ZNF292: variants seen among roughly 807,000 people sequenced by gnomAD.
ZNF292 encodes zinc finger protein 292, also known as 16 zinc-finger domain protein.
ZNF292 carries 26 observed loss-of-function variants against 217.9 expected under a neutral mutation model. That is an observed-to-expected ratio of 0.12 (90% confidence interval 0.09 to 0.17). The LOEUF (loss-of-function observed/expected upper bound fraction) is 0.17, where lower values mean the gene tolerates loss of function less well. Ranked by LOEUF, ZNF292 falls within the 10% of genes least tolerant of loss-of-function variation. The pLI, the probability that ZNF292 is intolerant of heterozygous loss-of-function variation, is 1.00. For missense variants in ZNF292, 2,904 were observed against 3,175.2 expected (o/e 0.91, Z 2.05); for synonymous variants, 1,257 against 1,124.1 (o/e 1.12, Z -2.37).
chr6:87,242,460 T>A (rs1360212243), intron 5 of ZNF292, among the ~76,000 whole-genome samples: 2 of 152,226 alleles, frequency 1.3e-5, no homozygotes, highest in Non-Finnish European at 2.9e-5. Context: ...ATTCTCCATT[T>A]ACATGCTTGT....
chr6:87,184,509 A>G (rs1582392800), intron 1 of ZNF292, among the ~76,000 whole-genome samples: 1 of 138,740 alleles, frequency 7.2e-6, no homozygotes, highest in East Asian at 2.0e-4. Context: ...AGTTCCGTAG[A>G]TGTCTTCCAT....
At chr6:87,236,686 T>C (rs184891710) in intron 5 of ZNF292, among the ~76,000 whole-genome samples, 55 of 152,314 alleles carry the variant, frequency 3.6e-4, no homozygotes, top group Admixed American at 2.5e-3. Flanking sequence ...TTATTAAGAT[T>C]AAAATTTGAT....
intron 7 of ZNF292, among the ~76,000 whole-genome samples, chr6:87,252,341 C>G (rs1236253398): frequency 6.6e-6 from 1 of 151,936 alleles, no homozygotes; most frequent in Admixed American, 6.6e-5. Context: ...TTGGTAGAGA[C>G]TGGGTTTCAT....
chr6:87,165,348 C>T (rs757120713), intron 1 of ZNF292, among the ~76,000 whole-genome samples: 2 of 151,730 alleles, frequency 1.3e-5, no homozygotes, highest in African/African-American at 2.4e-5. Flanking sequence ...AAGTTATTAA[C>T]CTCAGCTTAT....
chr6:87,233,781 T>C (rs1026569108), intron 5 of ZNF292: 2 of 462,960 alleles, frequency 4.3e-6, no homozygotes, highest in African/African-American at 4.2e-5. Context: ...GGAAAGATAG[T>C]GGTGGCTTAA....
At chr6:87,158,547 G>T (rs955107193) in intron 1 of ZNF292, among the ~76,000 whole-genome samples, 1 of 152,128 alleles carries the variant, frequency 6.6e-6, no homozygotes, top group Non-Finnish European at 1.5e-5. Flanking sequence ...TGTGGCGAGT[G>T]CCTGTAGTCC....
At chr6:87,223,070 TTTTG>T (rs899936017) in intron 4 of ZNF292, 129 of 192,606 alleles carry the variant, frequency 6.7e-4, no homozygotes, top group South Asian at 1.2e-3. Flanking sequence ...TTTTGAGGTT[TTTTG>T]TTTGTTTGTT....
At chr6:87,160,513 G>GTGTATATA (rs377563820) in intron 1 of ZNF292, among the ~76,000 whole-genome samples, 1 of 148,568 alleles carries the variant, frequency 6.7e-6, no homozygotes, top group Non-Finnish European at 1.5e-5. Flanking sequence ...GTGTGTGTGT[G>GTGTATATA]TATATATATG....
intron 1 of ZNF292, among the ~76,000 whole-genome samples, chr6:87,185,002 T>C (rs1021896472): frequency 6.6e-6 from 1 of 152,216 alleles, no homozygotes; most frequent in African/African-American, 2.4e-5. Flanking sequence ...CCACTCAGAC[T>C]CACACACTAA....
Position 87,256,141 on chromosome 6 carries a change from G to C in ZNF292, c.2512G>C (p.Val838Leu). ...LDDHSTPPEK[V>L]LPPEAQLNSS... is the part of the protein sequence containing the mutation. The stretch of plus-strand genomic sequence containing the variant: ...TGATCACAGTACTCCTCCTGAAAAA[G>C]TGCTGCCTCCTGAAGCCCAACTTAA... The change falls in exon 8 of 8, where the codon GTG becomes CTG. Residue 838 changes from valine to leucine, a missense_variant. Coordinates refer to ENST00000369577, the MANE Select transcript of ZNF292 (RefSeq NM_015021.3). 2.5e-6 allele frequency: 4 copies of C among 1,613,760 alleles called. No individual in the cohort carries two copies. The East Asian group carries it at 6.7e-5, about 27-fold the overall frequency.
intron 1 of ZNF292, among the ~76,000 whole-genome samples, chr6:87,199,400 A>G (rs1582409774): frequency 1.3e-5 from 2 of 152,244 alleles, no homozygotes; most frequent in Admixed American, 1.3e-4. Flanking sequence ...CCTTTGTTAG[A>G]TGTATCATTT....
intron 1 of ZNF292, among the ~76,000 whole-genome samples, chr6:87,163,197 A>G (rs183433753): frequency 2.9e-4 from 44 of 152,332 alleles, no homozygotes; most frequent in Non-Finnish European, 2.1e-4. Context: ...CACGCCTGTA[A>G]TCCTAGCACT....
rs546647698 is a variant in ZNF292, at chr6:87,260,994, A to G, written c.7365A>G (p.Val2455=). The change falls in exon 8 of 8, where the codon GTA becomes GTG. Residue 2455 remains valine, a synonymous_variant. Coordinates refer to ENST00000369577, the MANE Select transcript of ZNF292 (RefSeq NM_015021.3). ...ATGTGAAAGATTCTGACACGTGTGT[A>G]TCAGAGAGCAATGATAATTCAAGAA... The part of the protein sequence containing the change: ...KNDVKDSDTC[V]SESNDNSRTT... 7 of 1,606,502 alleles carry G rather than the reference A, an allele frequency of 4.4e-6. No individual in the cohort carries two copies. The South Asian group carries it at 6.7e-5, about 15-fold the overall frequency.
At chr6:87,193,674 G>A (rs1322423310) in intron 1 of ZNF292, among the ~76,000 whole-genome samples, 2 of 152,152 alleles carry the variant, frequency 1.3e-5, no homozygotes, top group African/African-American at 2.4e-5. Context: ...CACGCCCTCC[G>A]AGGGTAATAA....
intron 1 of ZNF292, among the ~76,000 whole-genome samples, chr6:87,203,076 C>A (rs1050661271): frequency 1.3e-5 from 2 of 149,624 alleles, no homozygotes; most frequent in Admixed American, 1.3e-4. Context: ...TTGAGGTAAT[C>A]ATATAATTTC....
intron 1 of ZNF292, among the ~76,000 whole-genome samples, chr6:87,166,525 T>C (rs1770921345): frequency 6.6e-6 from 1 of 152,178 alleles, no homozygotes; most frequent in Non-Finnish European, 1.5e-5. Context: ...CATAAACAAG[T>C]AGTTTTTGAA....
intron 1 of ZNF292, among the ~76,000 whole-genome samples, chr6:87,179,308 G>GCACCATCATGCCCAGCTAA (rs1464417966): frequency 6.6e-6 from 1 of 151,910 alleles, no homozygotes; most frequent in Non-Finnish European, 1.5e-5. Context: ...TTACAGGTGT[G>GCACCATCATGCCCAGCTAA]CACCATCATG....
At chr6:87,158,130 A>G (rs1355581378) in intron 1 of ZNF292, among the ~76,000 whole-genome samples, 1 of 152,212 alleles carries the variant, frequency 6.6e-6, no homozygotes, top group Admixed American at 6.5e-5. Flanking sequence ...TGCTACTGAC[A>G]AAAAAACATC....
chr6:87,158,973 G>T (rs968292430), intron 1 of ZNF292, among the ~76,000 whole-genome samples: 2 of 152,202 alleles, frequency 1.3e-5, no homozygotes, highest in African/African-American at 4.8e-5. Flanking sequence ...TTCTGTCAGT[G>T]TTGATGCTCA....
Sources: gnomAD v4.1 joint callset for allele counts (sites outside exome capture counted in the v4.1 genomes callset) on GRCh38, gnomAD v4.1.1 for gene constraint, MANE v1.5 for transcripts, NCBI Gene and HGNC (gene_info 2026-07-23, HGNC 2026-07-21) for gene names.